Variants in PLA2G12A observed in about 807,000 individuals in gnomAD.
PLA2G12A encodes group XIIA secretory phospholipase A2.
PLA2G12A carries 11 observed loss-of-function variants against 16.0 expected under a neutral mutation model. The ratio of observed to expected loss-of-function variants is 0.69; its 90% CI spans 0.43 to 1.13. The LOEUF (loss-of-function observed/expected upper bound fraction) is 1.13. PLA2G12A is among the 50% of genes most tolerant of loss of function. The pLI is 0.00. For missense variants in PLA2G12A, 214 were observed against 237.3 expected, an observed-to-expected ratio of 0.90 and a Z score of 0.65; for synonymous variants, 77 against 93.8, an observed-to-expected ratio of 0.82 and a Z score of 1.03.
chr4:109,718,132 T>G (rs1403859167), intron 2 of PLA2G12A, among the ~76,000 whole-genome samples: 1 of 152,256 alleles, frequency 6.6e-6, no homozygotes, highest in Non-Finnish European at 1.5e-5. Context: ...TTATGTGAAA[T>G]ATCACAGAAA....
intron 1 of PLA2G12A, among the ~76,000 whole-genome samples, chr4:109,722,256 T>C (rs1271946548): frequency 2.0e-5 from 3 of 152,244 alleles, no homozygotes; most frequent in Non-Finnish European, 4.4e-5. Context: ...CCACAGACAC[T>C]GCAGGTCTGC....
At chr4:109,717,847 C>G in intron 2 of PLA2G12A, 134 bp from the exon 3 acceptor site, 1 of 877,728 alleles carries the variant, frequency 1.1e-6, no homozygotes, top group Non-Finnish European at 1.7e-6. Flanking sequence ...TTTCTGCCTA[C>G]AAATATTTTC....
At chr4:109,719,911 A>G (rs1376458997) in intron 1 of PLA2G12A, among the ~76,000 whole-genome samples, 1 of 152,122 alleles carries the variant, frequency 6.6e-6, no homozygotes, top group Non-Finnish European at 1.5e-5. Flanking sequence ...CAAACAAGCA[A>G]AAAAAAACCC....
At chr4:109,723,605 G>A (rs541981030) in intron 1 of PLA2G12A, among the ~76,000 whole-genome samples, 1 of 152,150 alleles carries the variant, frequency 6.6e-6, no homozygotes, top group South Asian at 2.1e-4. Flanking sequence ...CAGAAAAGGA[G>A]GCTGGATCAG....
chr4:109,726,520 G>T (rs1722941025), intron 1 of PLA2G12A, among the ~76,000 whole-genome samples: 1 of 151,934 alleles, frequency 6.6e-6, no homozygotes, highest in South Asian at 2.1e-4. Context: ...CTTTTGTCTG[G>T]ACTCCTGCAT....
At chr4:109,721,058 C>T (rs1002684176) in intron 1 of PLA2G12A, among the ~76,000 whole-genome samples, 3 of 152,170 alleles carry the variant, frequency 2.0e-5, no homozygotes, top group East Asian at 1.9e-4. Flanking sequence ...GCAACAAGAG[C>T]GAAACTCTGT....
intron 1 of PLA2G12A, among the ~76,000 whole-genome samples, chr4:109,720,607 ATATATATATATATATATATATAT>A (rs1730920234): frequency 1.4e-4 from 2 of 14,536 alleles, no homozygotes; most frequent in Non-Finnish European, 2.5e-4. Context: ...AAAAAAAAAT[ATATATATATATATATATATATAT>A]ATATATATAT....
Position 109,730,067 on chromosome 4 carries a change from GT to G in PLA2G12A, c.-259del. 1 of 362,382 alleles carries G rather than the reference GT, an allele frequency of 2.8e-6. No homozygotes were observed. Among genetic ancestry groups the G allele is most frequent in the Non-Finnish European group, 4.9e-6 (1 of 203,374 alleles). The allele number at this position is 362,382 out of a possible 1,614,324, so 22.4% of individuals were successfully genotyped here. A position where few individuals can be genotyped will look rare whatever the true frequency, so the allele number is the denominator to read the frequency against. ...TCACCTGGGCCAGCAACCGTCCCCTGTGCGCCTGCGCCGGAGCACGGCGCGT... is the reference window on the plus strand; with the variant it reads ...TCACCTGGGCCAGCAACCGTCCCCTGGCGCCTGCGCCGGAGCACGGCGCGT... On this transcript the variant is annotated 5_prime_UTR_variant, in exon 1 of 4. Coordinates refer to ENST00000243501, the MANE Select transcript of PLA2G12A (RefSeq NM_030821.5).
chr4:109,729,059 G>A (rs17040795), intron 1 of PLA2G12A, among the ~76,000 whole-genome samples: 6,928 of 152,140 alleles, frequency 0.046, 535 homozygotes, highest in African/African-American at 0.16. Context: ...GATATCTAAG[G>A]AAAGAAGAGT....
At position 109,729,893 on chromosome 4, in the gene PLA2G12A, G is replaced by T; in HGVS notation, c.-84C>A. On this transcript the variant is annotated 5_prime_UTR_variant, in exon 1 of 4. Coordinates refer to ENST00000243501, the MANE Select transcript of PLA2G12A (RefSeq NM_030821.5). ...AGTCCCCAGGACGCGCTAGGCAGCGGCGCGGGCCCCGGACTTGGCAGCAGC... is the reference window on the plus strand; with the variant it reads ...AGTCCCCAGGACGCGCTAGGCAGCGTCGCGGGCCCCGGACTTGGCAGCAGC... 1 of 1,262,460 alleles carries T rather than the reference G, an allele frequency of 7.9e-7. No individual in the cohort carries two copies. The highest frequency in any genetic ancestry group is 1.1e-6 in the Non-Finnish European group (1 of 944,692). 78.2% of individuals were successfully genotyped at this position (1,262,460 alleles called of 1,614,324 possible).
intron 1 of PLA2G12A, 131 bp downstream of exon 1, chr4:109,729,471 T>G: frequency 1.1e-6 from 1 of 952,334 alleles, no homozygotes; most frequent in Non-Finnish European, 1.5e-6. Flanking sequence ...ATTCTAGCAG[T>G]GGTTAAGTTT....
chr4:109,728,581 C>A (rs751747877), intron 1 of PLA2G12A, among the ~76,000 whole-genome samples: 7 of 152,202 alleles, frequency 4.6e-5, no homozygotes, highest in Non-Finnish European at 1.0e-4. Flanking sequence ...TTAAAGTATA[C>A]AAGATACAGT....
intron 1 of PLA2G12A, among the ~76,000 whole-genome samples, chr4:109,726,946 TA>T (rs1175721554): frequency 1.3e-5 from 2 of 150,866 alleles, no homozygotes; most frequent in Non-Finnish European, 3.0e-5. Flanking sequence ...TTTTTTTTTT[TA>T]AAGCTCTCTT....
rs1043921356 is a variant in PLA2G12A, at chr4:109,729,811, C to A, written c.-2G>T. The A allele has an allele frequency of 8.4e-6, 13 of 1,548,760 alleles. No homozygotes were observed. Among genetic ancestry groups the A allele is most frequent in the Admixed American group, 2.0e-5 (1 of 50,988 alleles). On this transcript the variant is annotated 5_prime_UTR_variant, in exon 1 of 4. Transcript: ENST00000243501. The stretch of plus-strand genomic sequence containing the variant: ...CGCGGGGCGCGAGAGCAGGGCCATG[C>A]GCGCAGCGCCGGGCTCTACGGGTCC...
chr4:109,713,130 A>G lies in PLA2G12A; in HGVS notation c.*1247T>C, dbSNP rs199613345. 2 of 152,168 alleles carry G rather than the reference A, an allele frequency of 1.3e-5. No homozygotes were observed. The highest frequency in any genetic ancestry group is 4.8e-5 in the African/African-American group (2 of 41,424). 9.4% of individuals were successfully genotyped at this position (152,168 alleles called of 1,614,324 possible). ...TGACTTTGAAAGTCAGTTCATCTTA[A>G]TAACTTTGGCCATGGGTCACCCAAA... On this transcript the variant is annotated 3_prime_UTR_variant, in exon 4 of 4. Coordinates refer to ENST00000243501, the MANE Select transcript of PLA2G12A (RefSeq NM_030821.5).
chr4:109,722,958 T>C (rs749494807), intron 1 of PLA2G12A, among the ~76,000 whole-genome samples: 11 of 152,202 alleles, frequency 7.2e-5, no homozygotes, highest in Non-Finnish European at 1.2e-4. Flanking sequence ...ATATTCATTA[T>C]AAATGGAGAT....
chr4:109,717,931 C>G (rs540800708), intron 2 of PLA2G12A, among the ~76,000 whole-genome samples: 6 of 152,230 alleles, frequency 3.9e-5, no homozygotes, highest in Non-Finnish European at 7.3e-5. Context: ...TCACTGCTCC[C>G]TATTCTGCAG....
At chr4:109,719,299 T>C (rs1202284094) in intron 1 of PLA2G12A, among the ~76,000 whole-genome samples, 1 of 152,142 alleles carries the variant, frequency 6.6e-6, no homozygotes, top group Non-Finnish European at 1.5e-5. Flanking sequence ...ATAACCTTAG[T>C]ACTACAAGAC....
intron 1 of PLA2G12A, among the ~76,000 whole-genome samples, chr4:109,722,094 G>A (rs544979890): frequency 6.6e-6 from 1 of 152,138 alleles, no homozygotes; most frequent in African/African-American, 2.4e-5. Context: ...GCTCAGAGAC[G>A]CTTTAATGGC....
Sources: gnomAD v4.1 joint callset for allele counts (sites outside exome capture counted in the v4.1 genomes callset) on GRCh38, gnomAD v4.1.1 for gene constraint, MANE v1.5 for transcripts, NCBI Gene and HGNC (gene_info 2026-07-23, HGNC 2026-07-21) for gene names.